OR3A2: variants seen among roughly 807,000 people sequenced by gnomAD.
OR3A2 encodes the protein olfactory receptor 3A2.
For missense variants in OR3A2, 318 were observed against 392.8 expected, an observed-to-expected ratio of 0.81 and a Z score of 1.61; for synonymous variants, 126 against 159.3, an observed-to-expected ratio of 0.79 and a Z score of 1.57.
Position 3,333,650 on chromosome 17 carries a change from A to T in OR3A2, c.-85+2383T>A, listed in dbSNP as rs564069597. ...TCAGACTGGCCAACACTTAGGGAAAATAGAAAGAACCTGCATTGAAATATT... is the reference window on the plus strand; with the variant it reads ...TCAGACTGGCCAACACTTAGGGAAATTAGAAAGAACCTGCATTGAAATATT... On this transcript the variant is annotated intron_variant, in intron 3 of 4. Coordinates refer to the OR3A2 transcript ENST00000573491. Among the ~76,000 whole-genome samples, 3 of 152,076 alleles carry T rather than the reference A, an allele frequency of 2.0e-5. No individual in the cohort carries two copies. In the East Asian group the frequency reaches 5.8e-4, roughly 29 times the overall value.
chr17:3,381,864 C>A (rs1358723396), intron 2 of OR3A2, among the ~76,000 whole-genome samples: 2 of 152,110 alleles, frequency 1.3e-5, no homozygotes, highest in African/African-American at 4.8e-5. Context: ...AACCTTGTGC[C>A]GAGCCTGAGG....
chr17:3,355,509 C>T (rs73309804), intron 2 of OR3A2, among the ~76,000 whole-genome samples: 14 of 150,254 alleles, frequency 9.3e-5, no homozygotes, highest in South Asian at 4.2e-4. Flanking sequence ...TACAGTGCTG[C>T]GTACATATAT....
intron 2 of OR3A2, among the ~76,000 whole-genome samples, chr17:3,360,169 C>A (rs1567567513): frequency 1.3e-5 from 2 of 151,816 alleles, no homozygotes; most frequent in African/African-American, 4.9e-5. Context: ...CTCTGATGGC[C>A]AGTGATGATG....
intron 2 of OR3A2, among the ~76,000 whole-genome samples, chr17:3,361,429 T>C (rs536061387): frequency 2.7e-4 from 41 of 151,808 alleles, no homozygotes; most frequent in Admixed American, 7.2e-4. Flanking sequence ...CTGATTGCCC[T>C]GGCCAGAACT....
In OR3A2 at chr17:3,350,234, G is replaced by A. The variant is rs200189241; in HGVS notation, c.-178-14108C>T. Among the ~76,000 whole-genome samples, 12 of 152,186 alleles carry A rather than the reference G, an allele frequency of 7.9e-5. No homozygotes were observed. The East Asian group carries it at 1.5e-3, about 20-fold the overall frequency. ...ACAAAAAACCCTTCAAAAAATTAAC[G>A]AATCCAGGAGCAGGTTTTTTGAAAG... On this transcript the variant is annotated intron_variant, in intron 2 of 4. Transcript: ENST00000573491.
rs764419036 is a variant in OR3A2 at position 3,311,213 on chromosome 17, G to A, written c.-85+24820C>T. On this transcript the variant is annotated intron_variant, in intron 3 of 4. Transcript: ENST00000573491. The surrounding 1 kb of genome is among the most constrained non-coding windows in gnomAD (Gnocchi z 4.6). ...ACTGGACATCTCTGCTGGACGTCGG[G>A]TGCATCAGTCACTGTTCCTCCGATG... 3.7e-6 allele frequency: 2 copies of A among 536,596 alleles called. No homozygotes were observed. The highest frequency in any genetic ancestry group is 5.4e-5 in the East Asian group (1 of 18,460). The allele number at this position is 536,596 out of a possible 1,614,324, so 33.2% of individuals were successfully genotyped here.
intron 1 of OR3A2, among the ~76,000 whole-genome samples, chr17:3,282,655 T>G (rs1282408107): frequency 6.6e-6 from 1 of 152,180 alleles, no homozygotes; most frequent in South Asian, 2.1e-4. Flanking sequence ...ATCACATGAC[T>G]TGGAGGAGGG....
At position 3,359,497 on chromosome 17, in the gene OR3A2, A is replaced by C. The variant is rs186556705; in HGVS notation, c.-178-23371T>G. Among the ~76,000 whole-genome samples the C allele has an allele frequency of 2.0e-4, 30 of 151,870 alleles. 1 individual carries two copies. Among genetic ancestry groups the C allele is most frequent in the Middle Eastern group, 3.4e-3 (1 of 294 alleles). On this transcript the variant is annotated intron_variant, in intron 2 of 4. Transcript: ENST00000573491. ...TGATGAATTCCCTCAATATTTGCTT[A>C]TCTGAAAAGGAACATATTTCTCCCT...
At position 3,367,533 on chromosome 17, in the gene OR3A2, G is replaced by C. The variant is rs182883035; in HGVS notation, c.-179+16271C>G. On this transcript the variant is annotated intron_variant, in intron 2 of 4. Coordinates refer to the OR3A2 transcript ENST00000573491. The stretch of plus-strand genomic sequence containing the variant: ...CAACTCCATCCAGGTTGCTGCAAAC[G>C]CCATTATTTCATTCCTTTTTATGGC... Among the ~76,000 whole-genome samples, 158 of 149,730 alleles carry C rather than the reference G, an allele frequency of 1.1e-3. 6 individuals are homozygous for C. The Admixed American group carries it at 0.011, about 10-fold the overall frequency.
At chr17:3,310,606 C>T (rs1180909418) in intron 3 of OR3A2, 1 of 539,634 alleles carries the variant, frequency 1.9e-6, no homozygotes, top group Non-Finnish European at 3.8e-6. Context: ...CCCTATAAGG[C>T]CTGCCTCTCC....
chr17:3,384,114 A>AC (rs1329858798), intron 1 of OR3A2, among the ~76,000 whole-genome samples: 5 of 152,100 alleles, frequency 3.3e-5, no homozygotes, highest in African/African-American at 1.2e-4. Flanking sequence ...CTAAGACCTG[A>AC]CTTAGTCCAT....
At chr17:3,314,494 G>A (rs553652243) in intron 3 of OR3A2, among the ~76,000 whole-genome samples, 272 of 125,722 alleles carry the variant, frequency 2.2e-3, no homozygotes, top group African/African-American at 7.2e-3. Context: ...AAGTGATGAT[G>A]ATGTAAACAT....
chr17:3,278,239 C>T, exon 2 of OR3A2: 1 of 1,614,212 alleles, frequency 6.2e-7, no homozygotes, highest in African/African-American at 1.3e-5. Flanking sequence ...CGTAGAACTG[C>T]AGCTGCCACG....
chr17:3,310,273 T>A (rs2049029969), intron 3 of OR3A2: 1 of 512,886 alleles, frequency 1.9e-6, no homozygotes, highest in Non-Finnish European at 4.0e-6. Context: ...ACCGGCCCCA[T>A]CTAACACTGC....
At chr17:3,321,789 T>A (rs2049124696) in intron 3 of OR3A2, among the ~76,000 whole-genome samples, 2 of 152,178 alleles carry the variant, frequency 1.3e-5, no homozygotes, top group Non-Finnish European at 2.9e-5. Context: ...TGCCAGTATT[T>A]TATTGAGGAT....
intron 2 of OR3A2, among the ~76,000 whole-genome samples, chr17:3,349,715 T>G (rs2049402715): frequency 6.6e-6 from 1 of 150,626 alleles, no homozygotes; most frequent in Non-Finnish European, 1.5e-5. Flanking sequence ...CCACCCCAAA[T>G]CAACAGAATA....
chr17:3,277,664 T>TTTCTATAA, exon 2 of OR3A2: 1 of 257,926 alleles, frequency 3.9e-6, no homozygotes, highest in Non-Finnish European at 7.4e-6. Flanking sequence ...TATCATCATG[T>TTTCTATAA]GGTATATATG....
chr17:3,384,737 C>T (rs762831222), intron 1 of OR3A2, among the ~76,000 whole-genome samples: 4 of 152,130 alleles, frequency 2.6e-5, no homozygotes, highest in Non-Finnish European at 5.9e-5. Context: ...CAGACCACCA[C>T]CTGTTTTGCA....
chr17:3,320,721 C>T (rs1404341405), intron 3 of OR3A2, among the ~76,000 whole-genome samples: 5 of 152,002 alleles, frequency 3.3e-5, no homozygotes, highest in African/African-American at 9.7e-5. Context: ...GGGCTCTGTT[C>T]TGTTCCATTG....
Sources: allele counts gnomAD v4.1 joint callset (sites outside exome capture counted in the v4.1 genomes callset), GRCh38; gene constraint gnomAD v4.1.1; non-coding constraint Gnocchi (gnomAD v3.1); transcripts MANE v1.5; gene names NCBI Gene and HGNC (gene_info 2026-07-23, HGNC 2026-07-21).